CRACR2A: variants seen among roughly 807,000 people sequenced by gnomAD.
The protein encoded by CRACR2A is calcium release activated channel regulator 2A.
CRACR2A carries 79 observed loss-of-function variants against 90.5 expected under a neutral mutation model. The ratio of observed to expected loss-of-function variants is 0.87; its 90% CI spans 0.73 to 1.05. CRACR2A has a LOEUF of 1.05. Among genes scored for constraint, CRACR2A ranks in the 50% least tolerant of loss-of-function variants. The pLI is 0.00. For synonymous variants in CRACR2A, 338 were observed against 356.7 expected (o/e 0.95, Z 0.59); for missense variants, 823 against 897.2 (o/e 0.92, Z 1.06).
intron 7 of CRACR2A, chr12:3,672,800 G>C: frequency 1.0e-6 from 1 of 985,414 alleles, no homozygotes; most frequent in Non-Finnish European, 1.2e-6. Flanking sequence ...ACTCTGGGTT[G>C]TTTCTAACAA....
At chr12:3,714,428 G>T (rs891968319) in intron 2 of CRACR2A, among the ~76,000 whole-genome samples, 1 of 152,218 alleles carries the variant, frequency 6.6e-6, no homozygotes. Context: ...CTACCAGGAT[G>T]CTGGAAGCAA....
In CRACR2A at chr12:3,627,703, A is replaced by G. The variant is rs2137304071; in HGVS notation, c.1739T>C (p.Ile580Thr). Residue 580 changes from isoleucine to threonine, a missense_variant, in exon 16 of 20, where the codon ATT becomes ACT. Coordinates refer to ENST00000440314, the MANE Select transcript of CRACR2A (RefSeq NM_001144958.2). The stretch of plus-strand genomic sequence containing the variant: ...ATTCAACGTCTTCACACGGTAATCA[A>G]TGCCTGCAGGGTGAAATGGGCCTGT... ...FSPGMAATVGIDYRVKTLNVD... is the reference protein window; with the variant it reads ...FSPGMAATVGTDYRVKTLNVD... 2 of 1,551,744 alleles carry G rather than the reference A, an allele frequency of 1.3e-6. No individual in the cohort carries two copies. Among genetic ancestry groups the G allele is most frequent in the South Asian group, 2.4e-5 (2 of 84,068 alleles).
intron 4 of CRACR2A, among the ~76,000 whole-genome samples, chr12:3,696,395 T>C (rs1173947376): frequency 6.6e-6 from 1 of 152,226 alleles, no homozygotes; most frequent in African/African-American, 2.4e-5. Context: ...GGAGAGGCTG[T>C]ACCTATTCCT....
intron 2 of CRACR2A, among the ~76,000 whole-genome samples, chr12:3,720,839 G>T (rs1357090748): frequency 6.6e-6 from 1 of 152,208 alleles, no homozygotes; most frequent in African/African-American, 2.4e-5. Context: ...CATTATTTTT[G>T]ATCAGAAGGG....
Position 3,627,489 on chromosome 12 carries a change from G to A in CRACR2A, c.1879C>T (p.Leu627Phe). 6.4e-7 allele frequency: 1 copy of A among 1,551,956 alleles called. No individual in the cohort carries two copies. Residue 627 changes from leucine (L) to phenylalanine (F), a missense_variant, in exon 17 of 20, where the codon CTC (leucine) becomes TTC (phenylalanine). Physicochemically the swap from Leu to Phe is conservative, Grantham distance 22 (BLOSUM62 0). Coordinates refer to ENST00000440314, the MANE Select transcript of CRACR2A (RefSeq NM_001144958.2). ...KADGVIVMYD[L>F]TDKQSFLSVR... is the part of the protein sequence containing the mutation. Reference sequence around the variant, plus strand: ...GACAGGAACGACTGCTTGTCTGTGAGATCGTACATGACGATGACACCATCT... The same window carrying A: ...GACAGGAACGACTGCTTGTCTGTGAAATCGTACATGACGATGACACCATCT...
At chr12:3,681,753 A>G (rs1043905262) in intron 4 of CRACR2A, among the ~76,000 whole-genome samples, 2 of 152,246 alleles carry the variant, frequency 1.3e-5, no homozygotes, top group Non-Finnish European at 2.9e-5. Context: ...GTGAAAGCCC[A>G]TAACATAATT....
At position 3,659,632 on chromosome 12, in the gene CRACR2A, C is replaced by A; in HGVS notation, c.694G>T (p.Glu232Ter). The part of the protein sequence containing the change: ...LKRKIAAYDE[E>*]IQHLYEEMEQ... ...ATCTCCTCATAGAGATGCTGGATTT[C>A]TTCATCATAAGCAGCAATTTTCCTA... Residue 232 changes from glutamate to a stop codon, truncating the protein, a stop_gained, in exon 8 of 20, where the codon GAA becomes TAA. Transcript: ENST00000440314. LOFTEE classifies it high-confidence loss of function. 6.2e-7 allele frequency: 1 copy of A among 1,614,170 alleles called. No homozygotes were observed. The highest frequency in any genetic ancestry group is 8.5e-7 in the Non-Finnish European group (1 of 1,180,006).
In CRACR2A at chr12:3,656,045, G is replaced by C. The variant is rs144706822; in HGVS notation, c.858+266C>G. On this transcript the variant is annotated intron_variant, in intron 9 of 19. Coordinates refer to ENST00000440314, the MANE Select transcript of CRACR2A (RefSeq NM_001144958.2). ...AAATTTTGGCATTCTCGTGGCTCCTGGGTATAATTATAGGAACATGTCTGC... is the reference window on the plus strand; with the variant it reads ...AAATTTTGGCATTCTCGTGGCTCCTCGGTATAATTATAGGAACATGTCTGC... Among the ~76,000 whole-genome samples the C allele has an allele frequency of 3.2e-3, 493 of 152,292 alleles. 3 individuals are homozygous for C. The highest frequency in any genetic ancestry group is 0.011 in the African/African-American group (455 of 41,540).
intron 7 of CRACR2A, 55 bp downstream of exon 7, chr12:3,673,391 G>T: frequency 6.4e-7 from 1 of 1,567,530 alleles, no homozygotes; most frequent in South Asian, 1.2e-5. Flanking sequence ...AGTGCACCGT[G>T]TGTCTCTCTT....
At chr12:3,744,451 T>C (rs1946578404) in intron 1 of CRACR2A, among the ~76,000 whole-genome samples, 1 of 152,192 alleles carries the variant, frequency 6.6e-6, no homozygotes, top group African/African-American at 2.4e-5. Flanking sequence ...CACCCCTGTC[T>C]AGATGAAGCA....
At chr12:3,696,712 C>T in intron 4 of CRACR2A, 60 bp downstream of exon 4, 1 of 1,609,410 alleles carries the variant, frequency 6.2e-7, no homozygotes, top group Admixed American at 1.7e-5. Flanking sequence ...CAAGCTCTAA[C>T]CCAAGACAGG....
intron 4 of CRACR2A, among the ~76,000 whole-genome samples, chr12:3,696,532 T>G (rs1945743283): frequency 6.6e-6 from 1 of 152,186 alleles, no homozygotes; most frequent in South Asian, 2.1e-4. Flanking sequence ...CCCACAATCC[T>G]GGAGAGCTAC....
chr12:3,744,955 T>C (rs1946587625), intron 1 of CRACR2A, among the ~76,000 whole-genome samples: 1 of 152,194 alleles, frequency 6.6e-6, no homozygotes, highest in African/African-American at 2.4e-5. Context: ...ATGTATATTT[T>C]ATCACAATGA....
At chr12:3,666,370 TGCGCGCGCAC>T (rs1196117313) in intron 7 of CRACR2A, among the ~76,000 whole-genome samples, 1 of 142,626 alleles carries the variant, frequency 7.0e-6, no homozygotes, top group Non-Finnish European at 1.5e-5. Context: ...CGTGTGCGCG[TGCGCGCGCAC>T]GCGCGCACAC....
At chr12:3,689,348 T>A (rs893974655) in intron 4 of CRACR2A, among the ~76,000 whole-genome samples, 5 of 152,334 alleles carry the variant, frequency 3.3e-5, no homozygotes, top group Admixed American at 3.3e-4. Context: ...ATGGCTCTTA[T>A]TATTTTGAGG....
intron 1 of CRACR2A, among the ~76,000 whole-genome samples, chr12:3,741,334 T>C (rs998804198): frequency 2.0e-5 from 3 of 152,150 alleles, no homozygotes; most frequent in African/African-American, 7.2e-5. Context: ...CCTAACTGAA[T>C]TGTGCAGTTC....
At chr12:3,671,167 C>A (rs1945235493) in intron 7 of CRACR2A, among the ~76,000 whole-genome samples, 1 of 152,170 alleles carries the variant, frequency 6.6e-6, no homozygotes, top group Non-Finnish European at 1.5e-5. Context: ...TGCAGGCCAG[C>A]AGAGGAGGTC....
At chr12:3,660,120 A>G (rs1050653350) in intron 7 of CRACR2A, among the ~76,000 whole-genome samples, 1 of 152,050 alleles carries the variant, frequency 6.6e-6, no homozygotes, top group African/African-American at 2.4e-5. Flanking sequence ...CCCTGTTTGC[A>G]TGCTTTCTCT....
In CRACR2A at chr12:3,627,464, G is replaced by T. The variant is rs1014095342; in HGVS notation, c.1904C>A (p.Ser635Ter). 2 of 1,551,958 alleles carry T rather than the reference G, an allele frequency of 1.3e-6. No individual in the cohort carries two copies. The change falls in exon 17 of 20, where the codon TCG (serine) becomes TAG (stop). Residue 635 changes from serine to a stop codon, truncating the protein, a stop_gained. Coordinates refer to ENST00000440314, the MANE Select transcript of CRACR2A (RefSeq NM_001144958.2). LOFTEE classifies it high-confidence loss of function. The stretch of plus-strand genomic sequence containing the variant: ...CACGCTGCTCAGCCACCGCCGGACC[G>T]ACAGGAACGACTGCTTGTCTGTGAG... Reference protein sequence around the residue: ...YDLTDKQSFLSVRRWLSSVEE... With the variant: ...YDLTDKQSFL
Sources: allele counts gnomAD v4.1 joint callset (sites outside exome capture counted in the v4.1 genomes callset), GRCh38; gene constraint gnomAD v4.1.1; transcripts MANE v1.5; gene names NCBI Gene and HGNC (gene_info 2026-07-23, HGNC 2026-07-21).